The following CNKSR3 variants were observed in gnomAD, a reference collection of about 807,000 sequenced individuals.
CNKSR3 encodes connector enhancer of kinase suppressor of ras 3.
CNKSR3 carries 36 observed loss-of-function variants against 67.7 expected under a neutral mutation model. The observed-to-expected ratio is 0.53, with a 90% CI of 0.41 to 0.70. CNKSR3 has a LOEUF of 0.70. CNKSR3 is among the 30% of genes least tolerant of loss of function. The pLI is 0.00. For synonymous variants in CNKSR3, 281 were observed against 271.4 expected, an observed-to-expected ratio of 1.04 and a Z score of -0.35; for missense variants, 630 against 695.2, an observed-to-expected ratio of 0.91 and a Z score of 1.05.
rs1308348500 is a variant in CNKSR3, at chr6:154,428,627, C to G, written c.670-440G>C. ...TGAACTCCTGGGCTCAAGTGATCCT[C>G]TCACCTCAGCCTCCCCAAGTAGCCA... On this transcript the variant is annotated intron_variant, in intron 6 of 12. Coordinates refer to ENST00000607772, the MANE Select transcript of CNKSR3 (RefSeq NM_173515.4). Among the ~76,000 whole-genome samples, 3 of 152,234 alleles carry G rather than the reference C, an allele frequency of 2.0e-5. No individual in the cohort carries two copies. In the East Asian group the frequency reaches 5.8e-4, roughly 29 times the overall value.
chr6:154,409,881 C>CAAAAAAAA (rs56081008), intron 12 of CNKSR3, among the ~76,000 whole-genome samples: 24 of 126,628 alleles, frequency 1.9e-4, no homozygotes, highest in Non-Finnish European at 2.5e-4. Context: ...CTGTCTCTAC[C>CAAAAAAAA]AAAAAAAAAA....
At chr6:154,436,346 A>AT (rs938981591) in intron 4 of CNKSR3, among the ~76,000 whole-genome samples, 67 of 148,320 alleles carry the variant, frequency 4.5e-4, no homozygotes, top group Non-Finnish European at 7.7e-4. Context: ...TAACTCCTTA[A>AT]TTTTTTTTTT....
chr6:154,414,275 C>A (rs1259654647), intron 10 of CNKSR3, 24 bp downstream of exon 10: 1 of 1,558,500 alleles, frequency 6.4e-7, no homozygotes, highest in Non-Finnish European at 8.6e-7. Flanking sequence ...GACAAGCATA[C>A]CATGACAATG....
At chr6:154,411,473 C>T (rs1368396420) in intron 10 of CNKSR3, among the ~76,000 whole-genome samples, 1 of 152,012 alleles carries the variant, frequency 6.6e-6, no homozygotes, top group South Asian at 2.1e-4. Flanking sequence ...AAGGTGAAAC[C>T]CCATCTCTAC....
intron 12 of CNKSR3, among the ~76,000 whole-genome samples, chr6:154,408,652 A>C (rs1373168096): frequency 1.3e-5 from 2 of 152,200 alleles, no homozygotes; most frequent in African/African-American, 4.8e-5. Context: ...GTGACTGCTA[A>C]AAGGCACAAG....
chr6:154,459,216 T>C (rs1166625799), intron 1 of CNKSR3, among the ~76,000 whole-genome samples: 1 of 150,718 alleles, frequency 6.6e-6, no homozygotes, highest in African/African-American at 2.4e-5. Flanking sequence ...ATAAAGACGA[T>C]GCATGTAAGT....
At chr6:154,498,608 AATTCCTGTTACAAGTCTCAGTGTG>A (rs1293084276) in intron 1 of CNKSR3, among the ~76,000 whole-genome samples, 2 of 152,146 alleles carry the variant, frequency 1.3e-5, no homozygotes, top group Non-Finnish European at 2.9e-5. Flanking sequence ...CCGTGTTTGC[AATTCCTGTTACAAGTCTCAGTGTG>A]ATTCCTGTTA....
At chr6:154,479,131 C>T (rs1339774570) in intron 1 of CNKSR3, among the ~76,000 whole-genome samples, 2 of 151,560 alleles carry the variant, frequency 1.3e-5, no homozygotes, top group Non-Finnish European at 2.9e-5. Flanking sequence ...TTAGAACACC[C>T]AAACAGAAAG....
chr6:154,498,839 T>C (rs1264540578), intron 1 of CNKSR3, among the ~76,000 whole-genome samples: 1 of 152,238 alleles, frequency 6.6e-6, no homozygotes, highest in East Asian at 1.9e-4. Context: ...ATTGCTCTTT[T>C]CTGATTTTTC....
At chr6:154,445,607 T>C (rs1785692906) in intron 2 of CNKSR3, among the ~76,000 whole-genome samples, 3 of 152,160 alleles carry the variant, frequency 2.0e-5, no homozygotes, top group African/African-American at 4.8e-5. Context: ...ATACATAACG[T>C]TTACTTATTG....
At chr6:154,480,481 G>C (rs768414268) in intron 1 of CNKSR3, among the ~76,000 whole-genome samples, 4 of 152,234 alleles carry the variant, frequency 2.6e-5, no homozygotes, top group Non-Finnish European at 5.9e-5. Flanking sequence ...AAGCCTTTGA[G>C]AGCGGCGGAG....
chr6:154,451,842 TG>T (rs547649613), intron 1 of CNKSR3, among the ~76,000 whole-genome samples: 7 of 152,120 alleles, frequency 4.6e-5, no homozygotes, highest in Non-Finnish European at 1.0e-4. Context: ...CTCCCTGAAA[TG>T]ACATCTGTCT....
At chr6:154,469,962 C>CAA (rs887666809) in intron 1 of CNKSR3, among the ~76,000 whole-genome samples, 7 of 152,004 alleles carry the variant, frequency 4.6e-5, no homozygotes, top group Admixed American at 1.3e-4. Flanking sequence ...TTTGAGACTA[C>CAA]AAAGTTTTTT....
At chr6:154,443,472 C>T (rs80129002) in intron 2 of CNKSR3, among the ~76,000 whole-genome samples, 2 of 152,046 alleles carry the variant, frequency 1.3e-5, no homozygotes, top group Non-Finnish European at 2.9e-5. Context: ...CTTCGATTCA[C>T]TCTCTAGCCC....
At chr6:154,509,402 G>GCTTA (rs1233322388) in intron 1 of CNKSR3, among the ~76,000 whole-genome samples, 6 of 151,004 alleles carry the variant, frequency 4.0e-5, no homozygotes, top group Non-Finnish European at 8.8e-5. Context: ...CCTTCCCAGT[G>GCTTA]CTTACATGTG....
chr6:154,428,819 C>A (rs1785307359), intron 6 of CNKSR3, among the ~76,000 whole-genome samples: 1 of 152,184 alleles, frequency 6.6e-6, no homozygotes, highest in African/African-American at 2.4e-5. Flanking sequence ...CCACACCCAG[C>A]CAAAGAACAG....
At chr6:154,495,880 A>G (rs1786867565) in intron 1 of CNKSR3, among the ~76,000 whole-genome samples, 1 of 152,000 alleles carries the variant, frequency 6.6e-6, no homozygotes, top group Non-Finnish European at 1.5e-5. Flanking sequence ...TCTCACCAGG[A>G]GACAGGCCCA....
At chr6:154,468,298 T>C (rs755875934) in intron 1 of CNKSR3, among the ~76,000 whole-genome samples, 31 of 151,562 alleles carry the variant, frequency 2.0e-4, no homozygotes, top group Middle Eastern at 3.4e-3. Flanking sequence ...CAGGCTGGTC[T>C]TGAACTCTTG....
Position 154,403,144 on chromosome 6 carries a change from G to A in CNKSR3, c.*3210C>T, listed in dbSNP as rs1327305720. On this transcript the variant is annotated 3_prime_UTR_variant, in exon 13 of 13. Coordinates refer to ENST00000607772, the MANE Select transcript of CNKSR3 (RefSeq NM_173515.4). Reference sequence around the variant, plus strand: ...ATAAAATATTATAATAGGGGTAGGTGTTGAGTTGTGTCTGGGAGAGTTTTA... The same window carrying A: ...ATAAAATATTATAATAGGGGTAGGTATTGAGTTGTGTCTGGGAGAGTTTTA... 6.6e-6 allele frequency: 1 copy of A among 152,090 alleles called. No individual in the cohort carries two copies. The highest frequency in any genetic ancestry group is 1.5e-5 in the Non-Finnish European group (1 of 68,030). The allele number at this position is 152,090 out of a possible 1,614,324, so 9.4% of individuals were successfully genotyped here.
Sources: gnomAD v4.1 joint callset for allele counts (sites outside exome capture counted in the v4.1 genomes callset) on GRCh38, gnomAD v4.1.1 for gene constraint, MANE v1.5 for transcripts, NCBI Gene and HGNC (gene_info 2026-07-23, HGNC 2026-07-21) for gene names.